The following ATP6V1E1 variants were observed in gnomAD, a reference collection of about 807,000 sequenced individuals.
The protein encoded by ATP6V1E1 is ATPase H+ transporting V1 subunit E1.
Under a neutral mutation model 35.2 loss-of-function variants are expected in ATP6V1E1, and 21 were observed. The ratio of observed to expected loss-of-function variants is 0.60; its 90% CI spans 0.42 to 0.86. The LOEUF (loss-of-function observed/expected upper bound fraction) is 0.86. Ranked by LOEUF, ATP6V1E1 falls within the 40% of genes least tolerant of loss-of-function variation. ATP6V1E1 has a pLI of 0.00. For synonymous variants in ATP6V1E1, 83 were observed against 87.8 expected (o/e 0.95, Z 0.30); for missense variants, 183 against 272.6 (o/e 0.67, Z 2.32).
chr22:17,603,584 C>T (rs1326266254), intron 4 of ATP6V1E1, among the ~76,000 whole-genome samples: 4 of 151,850 alleles, frequency 2.6e-5, no homozygotes, highest in Admixed American at 1.3e-4. Context: ...GAGACCAAGG[C>T]GGGCTGATTA....
chr22:17,595,730 A>G (rs2057728494), intron 7 of ATP6V1E1, among the ~76,000 whole-genome samples: 1 of 152,026 alleles, frequency 6.6e-6, no homozygotes, highest in South Asian at 2.1e-4. Context: ...CTGAGGCAGG[A>G]GAATTGCTTG....
rs2057937704 is a variant in ATP6V1E1, at chr22:17,628,523, C to T, written c.33+80G>A. ...TGCGGCATCTGGGCGGCTCAAGGCC[C>T]GCGGCCTTCCCTAGGCGGGCTCCAG... On this transcript the variant is annotated intron_variant, in intron 1 of 8. Coordinates refer to ENST00000253413, the MANE Select transcript of ATP6V1E1 (RefSeq NM_001696.4). 5 of 1,596,252 alleles carry T rather than the reference C, an allele frequency of 3.1e-6. No homozygotes were observed. The South Asian group carries it at 4.4e-5, about 14-fold the overall frequency.
At position 17,601,120 on chromosome 22, in the gene ATP6V1E1, TG is replaced by T. The variant is rs1569203665; in HGVS notation, c.337del (p.Gln113LysfsTer20). 1 of 1,613,646 alleles carries T rather than the reference TG, an allele frequency of 6.2e-7. No homozygotes were observed. The highest frequency in any genetic ancestry group is 2.2e-5 in the East Asian group (1 of 44,876). On this transcript the variant is annotated frameshift_variant, in exon 5 of 9. Transcript: ENST00000253413. LOFTEE classifies it high-confidence loss of function. ...GAGAACCAGTCCATCCAGCAGCACT[TG>T]GTACCTGGTTGTATCTTTTACCACC... is the stretch of plus-strand genomic sequence containing the variant. ...SKVVKDTTRYQVLLDGLVLQG... is the reference protein window; with the variant it reads ...SKVVKDTTRYXVLLDGLVLQG...
At chr22:17,626,491 C>G (rs1289802293) in intron 1 of ATP6V1E1, among the ~76,000 whole-genome samples, 2 of 151,950 alleles carry the variant, frequency 1.3e-5, no homozygotes, top group Admixed American at 6.6e-5. Context: ...TCTCCCACAT[C>G]AGCCTCCCTA....
chr22:17,592,911 C>T (rs1340699230), intron 8 of ATP6V1E1, among the ~76,000 whole-genome samples, 175 bp from the exon 9 acceptor site: 3 of 152,014 alleles, frequency 2.0e-5, no homozygotes, highest in Non-Finnish European at 4.4e-5. Context: ...CCTCAGCCTC[C>T]CAAGTAGATG....
rs541973071 is a variant in ATP6V1E1 at position 17,594,808 on chromosome 22, G to A, written c.531-192C>T. On this transcript the variant is annotated intron_variant, in intron 7 of 8. Coordinates refer to ENST00000253413, the MANE Select transcript of ATP6V1E1 (RefSeq NM_001696.4). Reference sequence around the variant, plus strand: ...TTGGTTTCAGGAAACCCCAGTCCCCGCCTAGATGTCCATTATATGAAACAG... The same window carrying A: ...TTGGTTTCAGGAAACCCCAGTCCCCACCTAGATGTCCATTATATGAAACAG... 25 of 422,092 alleles carry A rather than the reference G, an allele frequency of 5.9e-5. No individual in the cohort carries two copies. The South Asian group carries it at 8.6e-4, about 15-fold the overall frequency. 26.1% of individuals were successfully genotyped at this position (422,092 alleles called of 1,614,324 possible). A position where few individuals can be genotyped will look rare whatever the true frequency, so the allele number is the denominator to read the frequency against.
intron 2 of ATP6V1E1, among the ~76,000 whole-genome samples, chr22:17,618,603 A>G (rs5992760): frequency 0.1 from 15,355 of 150,066 alleles, 901 homozygotes; most frequent in African/African-American, 0.15. Context: ...AACGGTGTGA[A>G]CCTGGGAGGT....
At chr22:17,612,153 T>C (rs2057818751) in intron 4 of ATP6V1E1, among the ~76,000 whole-genome samples, 1 of 152,186 alleles carries the variant, frequency 6.6e-6, no homozygotes, top group Non-Finnish European at 1.5e-5. Context: ...TAATTTCGTT[T>C]CTTCTATCCC....
At position 17,628,427 on chromosome 22, in the gene ATP6V1E1, T is replaced by G. The variant is rs1281089026; in HGVS notation, c.33+176A>C. 2.0e-5 allele frequency among the ~76,000 whole-genome samples: 3 copies of G among 152,262 alleles called. No individual in the cohort carries two copies. In the East Asian group the frequency reaches 5.8e-4, roughly 29 times the overall value. On this transcript the variant is annotated intron_variant, in intron 1 of 8. Transcript: ENST00000253413. The stretch of plus-strand genomic sequence containing the variant: ...GCCCAAGACCCGAGCAAAAGTCACA[T>G]GAGCTGCGGGGCAAATCTCCGTCCT...
intron 1 of ATP6V1E1, among the ~76,000 whole-genome samples, chr22:17,627,636 T>A (rs944416967): frequency 6.6e-6 from 1 of 150,514 alleles, no homozygotes; most frequent in African/African-American, 2.4e-5. Context: ...CAGGCCAATA[T>A]GGTGAGACCC....
intron 2 of ATP6V1E1, among the ~76,000 whole-genome samples, chr22:17,614,649 G>C (rs1246325879): frequency 6.8e-6 from 1 of 147,400 alleles, no homozygotes; most frequent in Non-Finnish European, 1.5e-5. Context: ...TCCAGCCTGG[G>C]CAACAAAAGC....
chr22:17,612,696 G>A (rs1776171128), intron 4 of ATP6V1E1, 116 bp downstream of exon 4: 1 of 881,534 alleles, frequency 1.1e-6, no homozygotes, highest in African/African-American at 1.7e-5. Context: ...TAATTGGAAT[G>A]TTTTCTCTCT....
At chr22:17,597,482 C>T (rs2057737972) in intron 7 of ATP6V1E1, among the ~76,000 whole-genome samples, 1 of 151,944 alleles carries the variant, frequency 6.6e-6, no homozygotes, top group South Asian at 2.1e-4. Context: ...CTCTAAGGAA[C>T]CTAACTACCA....
chr22:17,598,655 G>A (rs960990185), intron 6 of ATP6V1E1, among the ~76,000 whole-genome samples: 5 of 152,152 alleles, frequency 3.3e-5, no homozygotes, highest in Non-Finnish European at 5.9e-5. Flanking sequence ...TTTGGCTGCT[G>A]GCATGAGCTT....
intron 4 of ATP6V1E1, among the ~76,000 whole-genome samples, chr22:17,603,995 T>A (rs545740147): frequency 3.9e-5 from 6 of 152,164 alleles, no homozygotes; most frequent in Non-Finnish European, 7.3e-5. Flanking sequence ...GCATAAGGAA[T>A]CTACTATGGA....
intron 4 of ATP6V1E1, among the ~76,000 whole-genome samples, chr22:17,602,617 C>T (rs560867392): frequency 6.6e-6 from 1 of 151,890 alleles, no homozygotes; most frequent in Admixed American, 6.5e-5. Context: ...CCTCGTGATC[C>T]GCCTGCCTCA....
intron 4 of ATP6V1E1, among the ~76,000 whole-genome samples, chr22:17,602,593 T>C (rs964896947): frequency 1.3e-5 from 2 of 152,112 alleles, no homozygotes; most frequent in African/African-American, 4.8e-5. Flanking sequence ...GCCAGGATGG[T>C]CTCAATCTCC....
chr22:17,601,448 T>A lies in ATP6V1E1; in HGVS notation c.277-267A>T, dbSNP rs557573423. ...CAGTTCAGAAACCGACACAAGTGACTGACATGGAAAGATGCGCGCGATGTA... is the reference window on the plus strand; with the variant it reads ...CAGTTCAGAAACCGACACAAGTGACAGACATGGAAAGATGCGCGCGATGTA... On this transcript the variant is annotated intron_variant, in intron 4 of 8. Transcript: ENST00000253413. Among the ~76,000 whole-genome samples the A allele has an allele frequency of 1.5e-3, 224 of 152,196 alleles. 2 individuals are homozygous for A. The highest frequency in any genetic ancestry group is 0.01 in the Middle Eastern group (3 of 294).
At chr22:17,603,094 C>T (rs557894246) in intron 4 of ATP6V1E1, among the ~76,000 whole-genome samples, 4 of 152,214 alleles carry the variant, frequency 2.6e-5, no homozygotes, top group African/African-American at 9.6e-5. Flanking sequence ...GTGTTACAGG[C>T]GTGCGCCACC....
Sources: gnomAD v4.1 joint callset for allele counts (sites outside exome capture counted in the v4.1 genomes callset) on GRCh38, gnomAD v4.1.1 for gene constraint, MANE v1.5 for transcripts, NCBI Gene and HGNC (gene_info 2026-07-23, HGNC 2026-07-21) for gene names.